The following SULF2 variants were observed in gnomAD, a reference collection of about 807,000 sequenced individuals.
SULF2 encodes extracellular sulfatase Sulf-2.
Under a neutral mutation model 107.7 loss-of-function variants are expected in SULF2, and 52 were observed. The observed-to-expected ratio is 0.48, with a 90% CI of 0.39 to 0.61. SULF2 has a LOEUF of 0.61. SULF2 is among the 20% of genes least tolerant of loss of function. The probability of loss-of-function intolerance (pLI) is 0.00; values close to 1 mark genes in which losing one functional copy is unlikely to be tolerated. For synonymous variants in SULF2, 460 were observed against 464.3 expected, an observed-to-expected ratio of 0.99 and a Z score of 0.12; for missense variants, 993 against 1,177.3, an observed-to-expected ratio of 0.84 and a Z score of 2.29.
At chr20:47,772,752 C>T (rs1393478890) in intron 1 of SULF2, among the ~76,000 whole-genome samples, 6 of 152,026 alleles carry the variant, frequency 3.9e-5, no homozygotes, top group African/African-American at 9.7e-5. Context: ...ATGAGATCAA[C>T]GCCACTTACG....
Position 47,658,115 on chromosome 20 carries a change from T to G in SULF2, c.*247A>C. The stretch of plus-strand genomic sequence containing the variant: ...GTGGTGACTTTTTGATACGAAAAAA[T>G]GCATTTTGTGCAGCTGGTGAGGTAT... On this transcript the variant is annotated 3_prime_UTR_variant, in exon 21 of 21. Transcript: ENST00000688720. 1.9e-6 allele frequency: 1 copy of G among 526,070 alleles called. No individual in the cohort carries two copies. Among genetic ancestry groups the G allele is most frequent in the Non-Finnish European group, 3.4e-6 (1 of 296,086 alleles). The allele number at this position is 526,070 out of a possible 1,614,324, so 32.6% of individuals were successfully genotyped here.
intron 20 of SULF2, 131 bp downstream of exon 20, chr20:47,659,268 C>T (rs889011543): frequency 2.7e-5 from 21 of 772,238 alleles, no homozygotes; most frequent in Non-Finnish European, 4.4e-5. Flanking sequence ...TGCATTAGTA[C>T]TTCCCCCCCA....
At chr20:47,730,261 T>C (rs936410298) in intron 3 of SULF2, among the ~76,000 whole-genome samples, 1 of 152,248 alleles carries the variant, frequency 6.6e-6, no homozygotes, top group South Asian at 2.1e-4. Context: ...TTTTAGAACA[T>C]GATGCAGAAG....
chr20:47,679,446 G>A (rs1435642772), intron 7 of SULF2, among the ~76,000 whole-genome samples: 1 of 152,170 alleles, frequency 6.6e-6, no homozygotes, highest in Non-Finnish European at 1.5e-5. Flanking sequence ...AAGGTGATGG[G>A]CTGTCACTCC....
At chr20:47,725,033 T>C (rs901666883) in intron 3 of SULF2, among the ~76,000 whole-genome samples, 1 of 152,044 alleles carries the variant, frequency 6.6e-6, no homozygotes, top group South Asian at 2.1e-4. Context: ...AATATGAAAT[T>C]CCCCCAGCAC....
chr20:47,773,482 T>C (rs2090669034), intron 1 of SULF2, among the ~76,000 whole-genome samples: 1 of 152,214 alleles, frequency 6.6e-6, no homozygotes, highest in East Asian at 1.9e-4. Context: ...ACCAACATGG[T>C]GCAGCCGAGC....
chr20:47,704,224 G>A (rs2088656793), intron 3 of SULF2, among the ~76,000 whole-genome samples: 2 of 152,130 alleles, frequency 1.3e-5, no homozygotes, highest in South Asian at 4.1e-4. Flanking sequence ...TCTGTGATAA[G>A]GAGACAGACA....
intron 3 of SULF2, among the ~76,000 whole-genome samples, chr20:47,717,623 G>T (rs1270817780): frequency 6.6e-6 from 1 of 152,134 alleles, no homozygotes; most frequent in Non-Finnish European, 1.5e-5. Flanking sequence ...CAGGCAAAGG[G>T]AATTTCCACA....
At chr20:47,746,992 A>AT (rs1555853868) in intron 2 of SULF2, among the ~76,000 whole-genome samples, 109 of 90,352 alleles carry the variant, frequency 1.2e-3, no homozygotes, top group East Asian at 5.2e-3. Context: ...TAAAAAAAAA[A>AT]AAATATATAT....
chr20:47,781,833 G>T (rs2090838584), intron 1 of SULF2, among the ~76,000 whole-genome samples: 1 of 152,082 alleles, frequency 6.6e-6, no homozygotes, highest in Admixed American at 6.5e-5. Context: ...GGCTCTCCTA[G>T]CCACGGTGCC....
rs2090705619 is a variant in SULF2, at chr20:47,775,317, C to T, written c.-101+10026G>A. On this transcript the variant is annotated intron_variant, in intron 1 of 20. Transcript: ENST00000688720. ...CGAGGAAGCCCAAGTAGCCATAGGGCAGAGCCCACATGGAGAATAACTGAG... is the reference window on the plus strand; with the variant it reads ...CGAGGAAGCCCAAGTAGCCATAGGGTAGAGCCCACATGGAGAATAACTGAG... 3.3e-5 allele frequency among the ~76,000 whole-genome samples: 5 copies of T among 152,196 alleles called. No homozygotes were observed. In the South Asian group the frequency reaches 1.0e-3, roughly 31 times the overall value.
At chr20:47,684,710 C>T (rs1326649781) in intron 5 of SULF2, 129 bp from the exon 6 acceptor site, 3 of 874,862 alleles carry the variant, frequency 3.4e-6, no homozygotes, top group Non-Finnish European at 5.1e-6. Context: ...GGTGTGATCT[C>T]CTGGTGGGAA....
At chr20:47,725,038 C>T (rs1245355951) in intron 3 of SULF2, among the ~76,000 whole-genome samples, 1 of 152,128 alleles carries the variant, frequency 6.6e-6, no homozygotes, top group African/African-American at 2.4e-5. Flanking sequence ...GAAATTCCCC[C>T]AGCACATCCA....
At position 47,677,333 on chromosome 20, in the gene SULF2, T is replaced by C. The variant is rs574383796; in HGVS notation, c.1194-199A>G. 5.0e-3 allele frequency among the ~76,000 whole-genome samples: 758 copies of C among 152,074 alleles called. 3 individuals are homozygous for C. Among genetic ancestry groups the C allele is most frequent in the Non-Finnish European group, 8.5e-3 (579 of 67,958 alleles). ...GTTGAGCCACCCCTTCCCCAGAGAC[T>C]TGGGTCTGGAGACACACACAGTAGA... On this transcript the variant is annotated intron_variant, in intron 8 of 20. Transcript: ENST00000688720.
rs139999669 is a variant in SULF2 at position 47,721,503 on chromosome 20, G to A, written c.415+15200C>T. On this transcript the variant is annotated intron_variant, in intron 3 of 20. Transcript: ENST00000688720. ...CCTACCTCAACCTCCCCAGTACCTG[G>A]GACTACAGGCATGCGCTACCACGCC... is the stretch of plus-strand genomic sequence containing the variant. Among the ~76,000 whole-genome samples the A allele has an allele frequency of 3.7e-3, 569 of 152,162 alleles. 4 individuals are homozygous for A. The highest frequency in any genetic ancestry group is 6.7e-3 in the Admixed American group (103 of 15,280).
Position 47,663,224 on chromosome 20 carries a change from G to C in SULF2, c.2228-12C>G. On this transcript the variant is annotated splice_polypyrimidine_tract_variant and intron_variant, in intron 16 of 20. Coordinates refer to ENST00000688720, the MANE Select transcript of SULF2 (RefSeq NM_001387048.1). ...ACAGAAAGGCCCCACTGCCAAGGAA[G>C]AGAGAGCATGTCCTGAGTGCCTGCG... 6.2e-7 allele frequency: 1 copy of C among 1,613,942 alleles called. No homozygotes were observed. The highest frequency in any genetic ancestry group is 1.3e-5 in the African/African-American group (1 of 75,052).
chr20:47,757,980 G>A (rs1286591177), intron 1 of SULF2, among the ~76,000 whole-genome samples: 1 of 152,058 alleles, frequency 6.6e-6, no homozygotes, highest in Non-Finnish European at 1.5e-5. Context: ...TGGACAACTG[G>A]CATGTGTGAG....
At chr20:47,756,022 CA>C (rs2090273800) in intron 2 of SULF2, among the ~76,000 whole-genome samples, 1 of 152,090 alleles carries the variant, frequency 6.6e-6, no homozygotes, top group African/African-American at 2.4e-5. Flanking sequence ...GCTCCTGACA[CA>C]GTGCACTGAA....
Position 47,757,328 on chromosome 20 carries a change from G to A in SULF2, c.36C>T (p.Ser12=), listed in dbSNP as rs571213682. The A allele has an allele frequency of 3.3e-5, 53 of 1,603,280 alleles. 1 individual carries two copies. The highest frequency in any genetic ancestry group is 2.6e-4 in the Admixed American group (15 of 58,662). ...GPPSLVLCLL[S]ATVFSLLGGS... ...CACCCAGCAGGGAGAACACAGTTGC[G>A]GACAGCAAGCACAGCACGAGGCTCG... The change falls in exon 2 of 21, where the codon TCC becomes TCT. Residue 12 remains serine, a synonymous_variant. Transcript: ENST00000688720.
Sources: allele counts gnomAD v4.1 joint callset (sites outside exome capture counted in the v4.1 genomes callset), GRCh38; gene constraint gnomAD v4.1.1; transcripts MANE v1.5; gene names NCBI Gene and HGNC (gene_info 2026-07-23, HGNC 2026-07-21).